SNX10: variants seen among roughly 807,000 people sequenced by gnomAD.
The protein encoded by SNX10 is sorting nexin 10.
A neutral mutation model predicts 28.5 loss-of-function variants in SNX10; 25 were observed. That is an observed-to-expected ratio of 0.88 (90% CI 0.64 to 1.22). The LOEUF (loss-of-function observed/expected upper bound fraction) is 1.22, where lower values mean the gene tolerates loss of function less well. Among genes scored for constraint, SNX10 ranks in the 50% most tolerant of loss-of-function variants. The probability of loss-of-function intolerance (pLI) is 0.00; values close to 1 mark genes in which losing one functional copy is unlikely to be tolerated. For synonymous variants in SNX10, 62 were observed against 81.4 expected (o/e 0.76, Z 1.28); for missense variants, 223 against 242.6 (o/e 0.92, Z 0.54).
intron 2 of SNX10, among the ~76,000 whole-genome samples, chr7:26,359,727 G>C (rs1031806510): frequency 6.6e-6 from 1 of 150,934 alleles, no homozygotes. Context: ...GCAGTGATGC[G>C]ATCTCGGCTC....
intron 1 of SNX10, among the ~76,000 whole-genome samples, chr7:26,325,282 A>T (rs1787455314): frequency 1.2e-5 from 1 of 83,828 alleles, no homozygotes; most frequent in African/African-American, 3.6e-5. Context: ...CTGGATTTGA[A>T]TTTTTTTCTA....
intron 2 of SNX10, among the ~76,000 whole-genome samples, chr7:26,360,250 G>A (rs1534795): frequency 0.17 from 25,614 of 152,040 alleles, 2,397 homozygotes; most frequent in South Asian, 0.36. Context: ...GAGCTTTGGT[G>A]TCCTTTCTTT....
intron 1 of SNX10, among the ~76,000 whole-genome samples, chr7:26,325,092 C>T (rs917003531): frequency 6.6e-6 from 1 of 151,566 alleles, no homozygotes; most frequent in East Asian, 1.9e-4. Flanking sequence ...CTACCATTCT[C>T]ATGAAAGAAC....
chr7:26,325,306 A>AATATATATATATATATATATATAT (rs149785859), intron 1 of SNX10, among the ~76,000 whole-genome samples: 1,740 of 51,098 alleles, frequency 0.034, 327 homozygotes, highest in Non-Finnish European at 0.056. Context: ...AAGTTTGCAA[A>AATATATATATATATATATATATAT]ATATATATAT....
At chr7:26,332,068 T>C (rs1055972007) in intron 1 of SNX10, among the ~76,000 whole-genome samples, 1 of 152,250 alleles carries the variant, frequency 6.6e-6, no homozygotes, top group African/African-American at 2.4e-5. Flanking sequence ...AATAGTCATA[T>C]ACAAGTTTTT....
intron 1 of SNX10, among the ~76,000 whole-genome samples, chr7:26,333,619 C>T (rs571850526): frequency 7.9e-5 from 12 of 152,208 alleles, no homozygotes; most frequent in East Asian, 3.8e-4. Flanking sequence ...CCACCGCACC[C>T]GACTATTTTA....
At chr7:26,351,995 A>G (rs1392874555) in intron 2 of SNX10, among the ~76,000 whole-genome samples, 2 of 152,146 alleles carry the variant, frequency 1.3e-5, no homozygotes, top group Admixed American at 6.5e-5. Flanking sequence ...TAATAATAAC[A>G]TGTCAATATT....
rs780501712 is a variant in SNX10, at chr7:26,346,439, G to A, written c.-4G>A. 6.2e-7 allele frequency: 1 copy of A among 1,609,006 alleles called. No individual in the cohort carries two copies. The highest frequency in any genetic ancestry group is 8.5e-7 in the Non-Finnish European group (1 of 1,175,340). On this transcript the variant is annotated 5_prime_UTR_variant, in exon 2 of 7. Coordinates refer to ENST00000338523, the MANE Select transcript of SNX10 (RefSeq NM_013322.3). ...TTTCAGATTGATCGTGTCCTGTGCT[G>A]AAGATGTTTCCGGAACAACAGAAAG...
intron 2 of SNX10, chr7:26,357,028 G>A (rs1455061156): frequency 4.2e-6 from 5 of 1,177,562 alleles, no homozygotes; most frequent in Non-Finnish European, 5.5e-6. Flanking sequence ...TTCATTAAAT[G>A]ATACTAATGG....
chr7:26,348,024 C>T (rs147868944), intron 2 of SNX10, among the ~76,000 whole-genome samples: 198 of 152,334 alleles, frequency 1.3e-3, no homozygotes, highest in African/African-American at 4.4e-3. Context: ...AAGCAGTCCT[C>T]CTGCCTCAGC....
intron 1 of SNX10, among the ~76,000 whole-genome samples, chr7:26,336,778 A>G (rs753245923): frequency 3.3e-5 from 5 of 152,224 alleles, no homozygotes; most frequent in Admixed American, 6.5e-5. Context: ...AACAATTTAT[A>G]ATGGCTATGA....
intron 1 of SNX10, among the ~76,000 whole-genome samples, chr7:26,336,696 C>CTGTCTCA (rs1787958614): frequency 1.3e-5 from 2 of 152,196 alleles, no homozygotes; most frequent in South Asian, 4.1e-4. Flanking sequence ...CAGAGCGAGA[C>CTGTCTCA]TGTCTCAAAA....
intron 1 of SNX10, among the ~76,000 whole-genome samples, chr7:26,306,805 C>T (rs1418664495): frequency 6.6e-6 from 1 of 152,214 alleles, no homozygotes; most frequent in African/African-American, 2.4e-5. Flanking sequence ...ACAGTGACTG[C>T]AGCTGGCACA....
intron 1 of SNX10, among the ~76,000 whole-genome samples, chr7:26,326,760 C>T (rs1019201404): frequency 6.6e-6 from 1 of 151,970 alleles, no homozygotes; most frequent in African/African-American, 2.4e-5. Context: ...GAGATGGGGT[C>T]TTGCTATGTT....
chr7:26,306,842 C>G (rs1399781835), intron 1 of SNX10, among the ~76,000 whole-genome samples: 1 of 152,228 alleles, frequency 6.6e-6, no homozygotes, highest in Non-Finnish European at 1.5e-5. Flanking sequence ...GGCCTCCATG[C>G]TTGCTCATTT....
rs189518629 is a variant in SNX10 at position 26,332,847 on chromosome 7, G to T, written c.-23-13573G>T. The stretch of plus-strand genomic sequence containing the variant: ...AGGATGATTCTTTCCCCATTGAGTG[G>T]TTTCGGTGCCCTTGTTGGGGAAATC... On this transcript the variant is annotated intron_variant, in intron 1 of 6. Coordinates refer to ENST00000338523, the MANE Select transcript of SNX10 (RefSeq NM_013322.3). Among the ~76,000 whole-genome samples the T allele has an allele frequency of 3.2e-4, 48 of 152,200 alleles. No individual in the cohort carries two copies. The East Asian group carries it at 4.4e-3, about 14-fold the overall frequency.
intron 1 of SNX10, among the ~76,000 whole-genome samples, chr7:26,310,820 C>G (rs1786809723): frequency 6.6e-6 from 1 of 151,924 alleles, no homozygotes; most frequent in African/African-American, 2.4e-5. Flanking sequence ...GTAGCTGGAA[C>G]TACAGGCGCC....
intron 1 of SNX10, among the ~76,000 whole-genome samples, chr7:26,345,026 C>A (rs577348406): frequency 6.6e-6 from 1 of 152,200 alleles, no homozygotes; most frequent in East Asian, 1.9e-4. Flanking sequence ...CCTCCGTCTT[C>A]GTCTTCACAT....
intron 1 of SNX10, among the ~76,000 whole-genome samples, chr7:26,314,104 G>A (rs905037574): frequency 3.9e-5 from 6 of 152,120 alleles, no homozygotes; most frequent in Admixed American, 1.3e-4. Context: ...GAGCCGCCAC[G>A]CCTGGCCCAA....
Sources: gnomAD v4.1 joint callset for allele counts (sites outside exome capture counted in the v4.1 genomes callset) on GRCh38, gnomAD v4.1.1 for gene constraint, MANE v1.5 for transcripts, NCBI Gene and HGNC (gene_info 2026-07-23, HGNC 2026-07-21) for gene names.